SYNE1: variants seen among roughly 807,000 people sequenced by gnomAD.
SYNE1 encodes nesprin-1.
In SYNE1, 616 loss-of-function variants were observed where a neutral mutation model predicts 1,111.0. That is an observed-to-expected ratio of 0.55 (90% CI 0.52 to 0.59). SYNE1 has a LOEUF of 0.59. SYNE1 is among the 20% of genes least tolerant of loss of function. The pLI is 0.00. For missense variants in SYNE1, 10,006 were observed against 10,417.0 expected, an observed-to-expected ratio of 0.96 and a Z score of 1.72; for synonymous variants, 3,855 against 3,825.8, an observed-to-expected ratio of 1.01 and a Z score of -0.28.
intron 4 of SYNE1, among the ~76,000 whole-genome samples, chr6:152,531,412 G>A (rs1164826418): frequency 2.6e-5 from 4 of 152,156 alleles, no homozygotes; most frequent in Non-Finnish European, 5.9e-5. Flanking sequence ...TAGTGATCAG[G>A]TTCAGTACTG....
chr6:152,195,411 A>G (rs1328593086), intron 127 of SYNE1, among the ~76,000 whole-genome samples: 1 of 152,030 alleles, frequency 6.6e-6, no homozygotes, highest in Non-Finnish European at 1.5e-5. Context: ...TGTAGTCGGG[A>G]CTTGTTTGTA....
chr6:152,400,547 C>G (rs139385850), intron 47 of SYNE1, among the ~76,000 whole-genome samples: 173 of 152,110 alleles, frequency 1.1e-3, no homozygotes, highest in East Asian at 1.4e-3. Flanking sequence ...CCTGTAGTTC[C>G]AACTATTGGG....
chr6:152,334,061 A>AT lies in SYNE1; in HGVS notation c.12740dup (p.Asn4247LysfsTer4). On this transcript the variant is annotated frameshift_variant, in exon 77 of 146. Transcript: ENST00000367255. LOFTEE classifies it high-confidence loss of function. Reference sequence around the variant, plus strand: ...ATTTTTCTAGGAACACTTCAACAACATTCATACAGTCATGGTAATCTCTTG... The same window carrying AT: ...ATTTTTCTAGGAACACTTCAACAACATTTCATACAGTCATGGTAATCTCTTG... 1 of 1,614,190 alleles carries AT rather than the reference A, an allele frequency of 6.2e-7. No homozygotes were observed. The highest frequency in any genetic ancestry group is 2.2e-5 in the East Asian group (1 of 44,882).
intron 86 of SYNE1, 49 bp from the exon 87 acceptor site, chr6:152,317,035 T>C: frequency 6.2e-7 from 1 of 1,608,144 alleles, no homozygotes; most frequent in Non-Finnish European, 8.5e-7. Context: ...CCTCAGTTTC[T>C]TGAGCTATAA....
In SYNE1 at chr6:152,347,112, G is replaced by A; in HGVS notation, c.12025C>T (p.His4009Tyr). Reference sequence around the variant, plus strand: ...TAGCTGTCCTTTGTGCCCTGCAGATGAGCATGCACGTTTTGTTTAAGTTTC... The same window carrying A: ...TAGCTGTCCTTTGTGCCCTGCAGATAAGCATGCACGTTTTGTTTAAGTTTC... ...QAKLKQNVHAHLQGTKDSYSA... is the reference protein window; with the variant it reads ...QAKLKQNVHAYLQGTKDSYSA... Residue 4009 changes from histidine (H) to tyrosine (Y), a missense_variant, in exon 73 of 146, where the codon CAT becomes TAT. By Grantham distance (83) the His-to-Tyr change is moderately conservative (BLOSUM62 2). This residue lies in a region of SYNE1 where 4,955 missense variants were observed against 5,017.2 expected (regional missense o/e 0.99). Transcript: ENST00000367255. 2.5e-6 allele frequency: 4 copies of A among 1,614,176 alleles called. No homozygotes were observed. Among genetic ancestry groups the A allele is most frequent in the South Asian group, 2.2e-5 (2 of 91,076 alleles).
intron 101 of SYNE1, among the ~76,000 whole-genome samples, chr6:152,260,773 G>A (rs772954419): frequency 3.3e-5 from 5 of 151,888 alleles, no homozygotes; most frequent in African/African-American, 4.8e-5. Flanking sequence ...ATTCATAATA[G>A]AAGCATGCAA....
intron 3 of SYNE1, among the ~76,000 whole-genome samples, chr6:152,593,506 C>T (rs924987732): frequency 3.9e-5 from 6 of 151,964 alleles, no homozygotes; most frequent in South Asian, 4.2e-4. Flanking sequence ...GGCGTGAATC[C>T]GGGAGGCAGA....
intron 55 of SYNE1, among the ~76,000 whole-genome samples, chr6:152,382,886 A>G (rs1229672278): frequency 6.6e-6 from 1 of 152,204 alleles, no homozygotes; most frequent in African/African-American, 2.4e-5. Flanking sequence ...AGAGTTTTGA[A>G]ATGGCTTTTG....
chr6:152,442,265 A>G lies in SYNE1; in HGVS notation c.3838-20T>C, dbSNP rs2098538254. ...CTTTTGCTAGAAGCATTTATTCAAC[A>G]GATGGATATAAATTGTGCTCTCTAA... On this transcript the variant is annotated intron_variant, in intron 30 of 145. Transcript: ENST00000367255. 6.2e-7 allele frequency: 1 copy of G among 1,611,398 alleles called. No homozygotes were observed. The highest frequency in any genetic ancestry group is 1.7e-5 in the Admixed American group (1 of 60,024).
intron 124 of SYNE1, among the ~76,000 whole-genome samples, chr6:152,210,841 T>C (rs1365731736): frequency 1.4e-5 from 2 of 144,548 alleles, no homozygotes; most frequent in Admixed American, 1.4e-4. Flanking sequence ...TACCTCTCCA[T>C]TTTTAATAAA....
At position 152,417,024 on chromosome 6, in the gene SYNE1, G is replaced by A; in HGVS notation, c.5422-9C>T. 1 of 1,613,708 alleles carries A rather than the reference G, an allele frequency of 6.2e-7. No homozygotes were observed. The highest frequency in any genetic ancestry group is 8.5e-7 in the Non-Finnish European group (1 of 1,180,032). ...ACTTCTGCTGCGTGGTCCTGGAAGGGAAGAGAGAGTTATTGATTCCTGAGA... is the reference window on the plus strand; with the variant it reads ...ACTTCTGCTGCGTGGTCCTGGAAGGAAAGAGAGAGTTATTGATTCCTGAGA... On this transcript the variant is annotated splice_polypyrimidine_tract_variant and intron_variant, in intron 40 of 145. Transcript: ENST00000367255.
intron 18 of SYNE1, 27 bp from the exon 19 acceptor site, chr6:152,463,544 A>G (rs1480198014): frequency 2.6e-6 from 4 of 1,567,840 alleles, no homozygotes; most frequent in Non-Finnish European, 3.5e-6. Context: ...GCACAATATC[A>G]TAAACCATAA....
intron 127 of SYNE1, among the ~76,000 whole-genome samples, chr6:152,198,008 G>T (rs1563416074): frequency 6.6e-6 from 1 of 150,852 alleles, no homozygotes. Flanking sequence ...TCAGGAAGGG[G>T]AGAGGAGGGG....
At chr6:152,253,813 GTTTGGTTTTTTTTTTTTT>G (rs2090006513) in intron 104 of SYNE1, among the ~76,000 whole-genome samples, 9 of 33,234 alleles carry the variant, frequency 2.7e-4, no homozygotes, top group African/African-American at 7.7e-4. Flanking sequence ...ATGTGTAGTG[GTTTGGTTTTTTTTTTTTT>G]TTTTTTTTTT....
rs760213109 is a variant in SYNE1, at chr6:152,330,633, G to A, written c.14052C>T (p.Thr4684=). The A allele has an allele frequency of 4.3e-6, 7 of 1,613,456 alleles. No individual in the cohort carries two copies. In the Admixed American group the frequency reaches 6.7e-5, roughly 15 times the overall value. Residue 4684 remains threonine, a synonymous_variant, in exon 78 of 146, where the codon ACC becomes ACT. Transcript: ENST00000367255. ...KEYASLIELT[T]QSLSELEAQF... The stretch of plus-strand genomic sequence containing the variant: ...GGGCTTCAAGTTCACTCAGAGACTG[G>A]GTTGTCAACTCAATCAAGGAAGCAT...
intron 128 of SYNE1, among the ~76,000 whole-genome samples, chr6:152,181,593 A>C (rs955324871): frequency 6.6e-6 from 1 of 152,160 alleles, no homozygotes; most frequent in Non-Finnish European, 1.5e-5. Flanking sequence ...GGCTTCTTTC[A>C]CTTAGCATAT....
chr6:152,393,780 G>A (rs2154137864), intron 51 of SYNE1, among the ~76,000 whole-genome samples: 1 of 152,218 alleles, frequency 6.6e-6, no homozygotes, highest in East Asian at 1.9e-4. Flanking sequence ...CTAAAAAGAG[G>A]ACTCAGTGGA....
intron 80 of SYNE1, 113 bp downstream of exon 80, chr6:152,325,845 T>C: frequency 1.6e-6 from 2 of 1,248,336 alleles, no homozygotes; most frequent in South Asian, 1.3e-5. Context: ...GTTAAATGCA[T>C]CCTTATCACA....
intron 3 of SYNE1, among the ~76,000 whole-genome samples, chr6:152,604,160 A>ATGTGTGTGTG (rs34756749): frequency 6.7e-6 from 1 of 148,778 alleles, no homozygotes; most frequent in African/African-American, 2.5e-5. Flanking sequence ...AACCCTTTAT[A>ATGTGTGTGTG]TGTGTGTGTG....
Sources: allele counts gnomAD v4.1 joint callset (sites outside exome capture counted in the v4.1 genomes callset), GRCh38; gene constraint gnomAD v4.1.1; regional missense constraint gnomAD v4.1.1; transcripts MANE v1.5; gene names NCBI Gene and HGNC (gene_info 2026-07-23, HGNC 2026-07-21).